Variants in CRISP2 observed in about 807,000 individuals in gnomAD.
The protein encoded by CRISP2 is cysteine rich secretory protein 2.
A neutral mutation model predicts 31.7 loss-of-function variants in CRISP2; 29 were observed. That is an observed-to-expected ratio of 0.92 (90% CI 0.68 to 1.25). The LOEUF is 1.25. CRISP2 is among the 50% of genes most tolerant of loss of function. The pLI, the probability that CRISP2 is intolerant of heterozygous loss-of-function variation, is 0.00. For missense variants in CRISP2, 318 were observed against 286.5 expected, an observed-to-expected ratio of 1.11 and a Z score of -0.79; for synonymous variants, 111 against 101.4, an observed-to-expected ratio of 1.09 and a Z score of -0.57.
At position 49,700,715 on chromosome 6, in the gene CRISP2, C is replaced by A; in HGVS notation, c.136G>T (p.Glu46Ter). The A allele has an allele frequency of 2.5e-6, 4 of 1,612,690 alleles. No homozygotes were observed. The highest frequency in any genetic ancestry group is 3.4e-6 in the Non-Finnish European group (4 of 1,179,148). ...VQREIVNKHN[E>*]LRKAVSPPAS... Reference sequence around the variant, plus strand: ...GGTGGAGAGACTGCTTTCCTTAGTTCATTGTGTTTATTTACAATCTCCCTT... The same window carrying A: ...GGTGGAGAGACTGCTTTCCTTAGTTAATTGTGTTTATTTACAATCTCCCTT... Residue 46 changes from glutamate to a stop codon, truncating the protein, a stop_gained, in exon 5 of 10, where the codon GAA becomes TAA. Coordinates refer to ENST00000339139, the MANE Select transcript of CRISP2 (RefSeq NM_003296.4). LOFTEE classifies it high-confidence loss of function.
At chr6:49,687,950 T>C (rs1554132084), downstream of CRISP2, among the ~76,000 whole-genome samples, 1 of 152,116 alleles carries the variant, frequency 6.6e-6, no homozygotes, top group Non-Finnish European at 1.5e-5. Flanking sequence ...GCGTAACAAA[T>C]AAACAACAGT....
intron 4 of CRISP2, among the ~76,000 whole-genome samples, chr6:49,704,728 G>A (rs1766714408): frequency 6.6e-6 from 1 of 152,188 alleles, no homozygotes; most frequent in South Asian, 2.1e-4. Flanking sequence ...ATAGATACTG[G>A]CACCTGTTCC....
chr6:49,678,371 T>C, the CRISP2 span, among the ~76,000 whole-genome samples: 18 of 152,294 alleles, frequency 1.2e-4, no homozygotes, highest in African/African-American at 1.9e-4. Context: ...AATGCCATTC[T>C]AACTCTAGAG....
chr6:49,698,546 G>T (rs1302622602), intron 6 of CRISP2, 39 bp from the exon 7 acceptor site: 4 of 1,565,608 alleles, frequency 2.6e-6, no homozygotes, highest in Admixed American at 4.2e-5. Context: ...TAATAAACAT[G>T]CAATGGTAAA....
chr6:49,688,538 C>A (rs934063877), downstream of CRISP2, among the ~76,000 whole-genome samples: 4 of 151,760 alleles, frequency 2.6e-5, no homozygotes, highest in African/African-American at 7.3e-5. Flanking sequence ...AGGTACAGGC[C>A]AAAAAGCCAT....
chr6:49,706,354 G>A (rs747774692), intron 4 of CRISP2, among the ~76,000 whole-genome samples: 11 of 152,118 alleles, frequency 7.2e-5, no homozygotes, highest in Non-Finnish European at 2.9e-5. Context: ...TTTATGGGTT[G>A]CTTAAAAGAT....
chr6:49,698,848 A>G (rs1016121366), intron 6 of CRISP2, among the ~76,000 whole-genome samples: 2 of 152,140 alleles, frequency 1.3e-5, no homozygotes, highest in Non-Finnish European at 2.9e-5. Flanking sequence ...CAACTCTTAT[A>G]TTCTGTTTTC....
Position 49,699,799 on chromosome 6 carries a change from C to G in CRISP2, c.271+5G>C. On this transcript the variant is annotated splice_donor_5th_base_variant and intron_variant, in intron 6 of 9. Transcript: ENST00000339139. ...TATTCAACAAATATTTACTAATTTA[C>G]ATACTGGTTTTGCGGTCCTCTGGAT... The G allele has an allele frequency of 6.3e-7, 1 of 1,593,126 alleles. No homozygotes were observed. Among genetic ancestry groups the G allele is most frequent in the Non-Finnish European group, 8.6e-7 (1 of 1,162,242 alleles).
At chr6:49,683,910 G>A in the CRISP2 span, among the ~76,000 whole-genome samples, 2 of 151,450 alleles carry the variant, frequency 1.3e-5, no homozygotes, top group South Asian at 4.2e-4. Context: ...TGTCCAGTTT[G>A]AATATATTTT....
At chr6:49,689,341 T>C (rs1017325311), downstream of CRISP2, among the ~76,000 whole-genome samples, 2 of 152,216 alleles carry the variant, frequency 1.3e-5, no homozygotes, top group South Asian at 4.1e-4. Flanking sequence ...GTATTTATCA[T>C]ATTGGGCTAT....
At chr6:49,698,617 A>G in intron 6 of CRISP2, 110 bp from the exon 7 acceptor site, 1 of 1,106,474 alleles carries the variant, frequency 9.0e-7, no homozygotes, top group Non-Finnish European at 1.3e-6. Context: ...AGCAGATGCT[A>G]ACTGTTGATT....
At chr6:49,690,088 T>C (rs934422910), downstream of CRISP2, among the ~76,000 whole-genome samples, 4 of 152,148 alleles carry the variant, frequency 2.6e-5, no homozygotes, top group Non-Finnish European at 5.9e-5. Flanking sequence ...ATTCATATTG[T>C]TTGCTTATCA....
the CRISP2 span, among the ~76,000 whole-genome samples, chr6:49,679,272 C>A: frequency 6.6e-6 from 1 of 152,092 alleles, no homozygotes; most frequent in Non-Finnish European, 1.5e-5. Flanking sequence ...AACCTAAATT[C>A]CATCTTAGTT....
chr6:49,682,607 C>CTTTCT, the CRISP2 span, among the ~76,000 whole-genome samples: 1 of 65,124 alleles, frequency 1.5e-5, no homozygotes, highest in Non-Finnish European at 2.6e-5. Context: ...TTCTTTCTTT[C>CTTTCT]TTTCTTTCTT....
intron 4 of CRISP2, among the ~76,000 whole-genome samples, chr6:49,701,820 T>A (rs1250843577): frequency 2.0e-5 from 2 of 100,422 alleles, no homozygotes; most frequent in Non-Finnish European, 3.7e-5. Context: ...TATACATATA[T>A]AATGTATACA....
At chr6:49,679,804 C>A in the CRISP2 span, among the ~76,000 whole-genome samples, 11 of 151,930 alleles carry the variant, frequency 7.2e-5, no homozygotes, top group Non-Finnish European at 1.6e-4. Flanking sequence ...CTGCTGGGTT[C>A]AAGGGATTCT....
At chr6:49,711,831 T>A (rs907407877) in intron 2 of CRISP2, among the ~76,000 whole-genome samples, 1 of 152,214 alleles carries the variant, frequency 6.6e-6, no homozygotes, top group African/African-American at 2.4e-5. Context: ...TAGATTTTTA[T>A]ATCACAGGTT....
chr6:49,681,671 G>A, the CRISP2 span, among the ~76,000 whole-genome samples: 1 of 152,036 alleles, frequency 6.6e-6, no homozygotes, highest in Non-Finnish European at 1.5e-5. Flanking sequence ...TAAAAATGAT[G>A]AAATCACTTT....
At chr6:49,697,708 T>C (rs1049508428) in intron 8 of CRISP2, 152 bp downstream of exon 8, 7 of 1,524,468 alleles carry the variant, frequency 4.6e-6, no homozygotes, top group Middle Eastern at 1.7e-4. Flanking sequence ...CTCTGAGAAG[T>C]TGAAAGTGTC....
Sources: gnomAD v4.1 joint callset for allele counts (sites outside exome capture counted in the v4.1 genomes callset) on GRCh38, gnomAD v4.1.1 for gene constraint, MANE v1.5 for transcripts, NCBI Gene and HGNC (gene_info 2026-07-23, HGNC 2026-07-21) for gene names.